ZEB2: variants seen among roughly 807,000 people sequenced by gnomAD.
The protein encoded by ZEB2 is zinc finger E-box binding homeobox 2, also known as zinc finger E-box-binding homeobox 2.
ZEB2 carries 6 observed loss-of-function variants against 99.9 expected under a neutral mutation model. That is an observed-to-expected ratio of 0.06 (90% confidence interval 0.03 to 0.12). The LOEUF (loss-of-function observed/expected upper bound fraction) is 0.12. Among genes scored for constraint, ZEB2 ranks in the 10% least tolerant of loss-of-function variants. ZEB2 has a pLI of 1.00. For missense variants in ZEB2, 969 were observed against 1,502.8 expected, an observed-to-expected ratio of 0.64 and a Z score of 5.87; for synonymous variants, 517 against 542.5, an observed-to-expected ratio of 0.95 and a Z score of 0.65.
chr2:144,473,176 G>A lies in ZEB2; in HGVS notation c.74-43150C>T, dbSNP rs1402606182. ...ACATTGGCAAAGAAAAAGTAGCAAC[G>A]GTTGGTAACAGACTGGTTGTGGGGA... On this transcript the variant is annotated intron_variant, in intron 2 of 9. Transcript: ENST00000627532. Among the ~76,000 whole-genome samples, 4 of 152,254 alleles carry A rather than the reference G, an allele frequency of 2.6e-5. No homozygotes were observed. The East Asian group carries it at 5.8e-4, about 22-fold the overall frequency.
chr2:144,470,985 C>A (rs1023167906), intron 2 of ZEB2, among the ~76,000 whole-genome samples: 1 of 152,068 alleles, frequency 6.6e-6, no homozygotes, highest in African/African-American at 2.4e-5. Context: ...TCACATGTTT[C>A]GGTTCTAGGA....
chr2:144,444,489 G>A (rs1703958582), intron 2 of ZEB2, among the ~76,000 whole-genome samples: 1 of 152,190 alleles, frequency 6.6e-6, no homozygotes, highest in Admixed American at 6.5e-5. Flanking sequence ...TGTGTCACCA[G>A]CTGGGGGTCG....
chr2:144,440,453 G>A (rs10181434), intron 2 of ZEB2, among the ~76,000 whole-genome samples: 5 of 142,746 alleles, frequency 3.5e-5, no homozygotes, highest in African/African-American at 5.5e-5. Context: ...AATTATCCCC[G>A]ACCAATTGTT....
intron 2 of ZEB2, among the ~76,000 whole-genome samples, chr2:144,440,509 ATATATATTTTTTTTT>A (rs1272191459): frequency 1.3e-3 from 38 of 28,938 alleles, no homozygotes; most frequent in Non-Finnish European, 2.3e-3. Context: ...ATATATATAT[ATATATATTTTTTTTT>A]TTTTTTTTTT....
At chr2:144,442,258 A>G (rs1446099215) in intron 2 of ZEB2, among the ~76,000 whole-genome samples, 2 of 152,224 alleles carry the variant, frequency 1.3e-5, no homozygotes, top group Non-Finnish European at 2.9e-5. Flanking sequence ...TATTGAGCCC[A>G]AAGAGGTCAC....
intron 2 of ZEB2, chr2:144,513,951 TGCGG>T: frequency 7.0e-7 from 1 of 1,423,710 alleles, no homozygotes; most frequent in Middle Eastern, 2.2e-4. Flanking sequence ...CATTCTTGTC[TGCGG>T]GCAACTCGCT....
intron 2 of ZEB2, among the ~76,000 whole-genome samples, chr2:144,505,624 G>C (rs1433807145): frequency 6.6e-6 from 1 of 152,164 alleles, no homozygotes; most frequent in African/African-American, 2.4e-5. Context: ...GGGAGTGGGG[G>C]GTGTGGTTGA....
At chr2:144,513,627 G>T in intron 2 of ZEB2, 1 of 1,532,922 alleles carries the variant, frequency 6.5e-7, no homozygotes, top group South Asian at 1.2e-5. Context: ...TGGGGAGGCA[G>T]ACCCTCTTCC....
chr2:144,416,430 C>T (rs1041649145), intron 4 of ZEB2, among the ~76,000 whole-genome samples: 12 of 152,318 alleles, frequency 7.9e-5, no homozygotes, highest in African/African-American at 2.4e-4. Context: ...TGAATCTCCA[C>T]GCATTGTCCA....
chr2:144,500,768 G>A (rs1428103726), intron 2 of ZEB2, among the ~76,000 whole-genome samples: 2 of 152,158 alleles, frequency 1.3e-5, no homozygotes, highest in Non-Finnish European at 2.9e-5. Context: ...GGGCTGGCAA[G>A]TCTGAAGCTT....
chr2:144,441,186 A>AGAGAGAGG, intron 2 of ZEB2, among the ~76,000 whole-genome samples: 1 of 150,096 alleles, frequency 6.7e-6, no homozygotes, highest in African/African-American at 2.5e-5. Context: ...AGAGAGAGAG[A>AGAGAGAGG]GAGAGAGAGA....
At chr2:144,430,278 T>C (rs1038888439) in intron 2 of ZEB2, among the ~76,000 whole-genome samples, 6 of 152,116 alleles carry the variant, frequency 3.9e-5, no homozygotes, top group Admixed American at 3.3e-4. Flanking sequence ...AACAGAAACA[T>C]AGACACACAA....
intron 2 of ZEB2, among the ~76,000 whole-genome samples, chr2:144,482,758 T>TC (rs1704532217): frequency 1.3e-5 from 2 of 151,884 alleles, no homozygotes; most frequent in African/African-American, 4.8e-5. Flanking sequence ...TTTCTTTTTT[T>TC]TTTCAACGGT....
intron 2 of ZEB2, among the ~76,000 whole-genome samples, chr2:144,434,449 T>C (rs1174791609): frequency 2.0e-5 from 3 of 152,060 alleles, no homozygotes; most frequent in Non-Finnish European, 4.4e-5. Flanking sequence ...ACAGGCACAG[T>C]GAGGTCAAAT....
At chr2:144,435,339 G>A (rs1703823275) in intron 2 of ZEB2, among the ~76,000 whole-genome samples, 1 of 152,026 alleles carries the variant, frequency 6.6e-6, no homozygotes, top group South Asian at 2.1e-4. Context: ...CAGGTATGGT[G>A]GCTCACACCT....
intron 2 of ZEB2, among the ~76,000 whole-genome samples, chr2:144,472,723 A>T (rs990186714): frequency 8.5e-5 from 13 of 152,130 alleles, no homozygotes; most frequent in African/African-American, 3.1e-4. Flanking sequence ...TACCGAAAGA[A>T]AGTGTCAGAA....
intron 6 of ZEB2, among the ~76,000 whole-genome samples, chr2:144,401,597 A>G (rs1703311532): frequency 6.6e-6 from 1 of 152,224 alleles, no homozygotes; most frequent in Admixed American, 6.5e-5. Flanking sequence ...AGGAAGTATA[A>G]CTGTAAAGAT....
intron 4 of ZEB2, among the ~76,000 whole-genome samples, chr2:144,423,599 A>T (rs1045534582): frequency 8.5e-5 from 13 of 152,160 alleles, no homozygotes; most frequent in Non-Finnish European, 1.3e-4. Context: ...GCTGTGTGTA[A>T]AAATTAGGAT....
intron 2 of ZEB2, among the ~76,000 whole-genome samples, chr2:144,467,203 A>G (rs1257775247): frequency 6.6e-6 from 1 of 152,136 alleles, no homozygotes; most frequent in Non-Finnish European, 1.5e-5. Flanking sequence ...GTAAAACTAA[A>G]ATAATTTTTA....
Sources: allele counts gnomAD v4.1 joint callset (sites outside exome capture counted in the v4.1 genomes callset), GRCh38; gene constraint gnomAD v4.1.1; transcripts MANE v1.5; gene names NCBI Gene and HGNC (gene_info 2026-07-23, HGNC 2026-07-21).